Variants in CEP104 observed in about 807,000 individuals in gnomAD.
CEP104 encodes the protein centrosomal protein of 104 kDa.
A neutral mutation model predicts 113.3 loss-of-function variants in CEP104; 84 were observed. The observed-to-expected ratio is 0.74, with a 90% confidence interval of 0.62 to 0.89. The LOEUF is 0.89. Ranked by LOEUF, CEP104 falls within the 40% of genes least tolerant of loss-of-function variation. The pLI is 0.00. For synonymous variants in CEP104, 378 were observed against 421.7 expected (o/e 0.90, Z 1.27); for missense variants, 1,053 against 1,156.6 (o/e 0.91, Z 1.30).
intron 1 of CEP104, among the ~76,000 whole-genome samples, chr1:3,855,564 C>T (rs1644703894): frequency 6.6e-6 from 1 of 152,288 alleles, no homozygotes; most frequent in South Asian, 2.1e-4. Context: ...GTATGCTATA[C>T]TGCCCCCAAC....
intron 15 of CEP104, among the ~76,000 whole-genome samples, chr1:3,828,019 C>T (rs1004796175): frequency 2.0e-5 from 3 of 152,042 alleles, no homozygotes; most frequent in Admixed American, 6.5e-5. Flanking sequence ...TCAGCATAGG[C>T]GACCCCGGGA....
chr1:3,826,121 C>T (rs1044765357), intron 17 of CEP104, among the ~76,000 whole-genome samples: 1 of 152,136 alleles, frequency 6.6e-6, no homozygotes, highest in African/African-American at 2.4e-5. Flanking sequence ...CTGAAATCAA[C>T]GGGCGAACGA....
In CEP104 at chr1:3,826,425, C is replaced by T. The variant is rs138918511; in HGVS notation, c.2200G>A (p.Gly734Arg). Residue 734 changes from glycine to arginine, a missense_variant, in exon 17 of 22, where the codon GGG (glycine) becomes AGG (arginine). Gly to Arg is a moderately radical substitution (Grantham distance 125). Coordinates refer to ENST00000378230, the MANE Select transcript of CEP104 (RefSeq NM_014704.4). Reference sequence around the variant, plus strand: ...AGAGCTTCAGCAGGGGCTGCTTTCCCTCCTTGAATGTCTGAAGAGATTAAA... The same window carrying T: ...AGAGCTTCAGCAGGGGCTGCTTTCCTTCCTTGAATGTCTGAAGAGATTAAA... ...VKPKNQDIQG[G>R]KAAPAEALGI... The T allele has an allele frequency of 1.2e-6, 2 of 1,613,560 alleles. No individual in the cohort carries two copies. Among genetic ancestry groups the T allele is most frequent in the African/African-American group, 2.7e-5 (2 of 74,900 alleles).
intron 12 of CEP104, chr1:3,833,556 TTTTA>T (rs1644256069): frequency 7.4e-6 from 2 of 270,888 alleles, no homozygotes; most frequent in Non-Finnish European, 7.0e-6. Flanking sequence ...CAGTTATATT[TTTTA>T]TTTCTTTACC....
chr1:3,827,073 G>A (rs989647196), intron 15 of CEP104, among the ~76,000 whole-genome samples: 5 of 152,150 alleles, frequency 3.3e-5, no homozygotes, highest in Non-Finnish European at 7.4e-5. Context: ...GATCACTTGA[G>A]CCTGGGAGGT....
intron 18 of CEP104, among the ~76,000 whole-genome samples, chr1:3,824,744 G>A (rs1338538110): frequency 6.6e-6 from 1 of 152,180 alleles, no homozygotes; most frequent in Non-Finnish European, 1.5e-5. Context: ...TCTTCACCAG[G>A]GACAGGCACA....
chr1:3,829,881 G>C lies in CEP104; in HGVS notation c.1953C>G (p.Asp651Glu). The stretch of plus-strand genomic sequence containing the variant: ...GAATGTTCCTGCGTGTGTTGCTGTC[G>C]TCTGGAGGAAGGTACTCCAGGATGG... ...QASILEYLPP[D>E]DSNTRRNILY... The change falls in exon 14 of 22, where the codon GAC becomes GAG. Residue 651 changes from aspartate (D) to glutamate (E), a missense_variant. Coordinates refer to ENST00000378230, the MANE Select transcript of CEP104 (RefSeq NM_014704.4). 1 of 1,614,034 alleles carries C rather than the reference G, an allele frequency of 6.2e-7. No individual in the cohort carries two copies. The highest frequency in any genetic ancestry group is 8.5e-7 in the Non-Finnish European group (1 of 1,179,986).
At chr1:3,847,791 G>A (rs1020905925) in intron 3 of CEP104, 178 bp from the exon 4 acceptor site, 2 of 612,500 alleles carry the variant, frequency 3.3e-6, no homozygotes, top group African/African-American at 1.9e-5. Context: ...GAAAAACCTA[G>A]GAAAAACCCC....
At chr1:3,834,899 A>G (rs1404607380) in intron 11 of CEP104, 26 bp downstream of exon 11, 1 of 1,557,890 alleles carries the variant, frequency 6.4e-7, no homozygotes, top group South Asian at 1.2e-5. Context: ...TGCACGCTGG[A>G]GCCAGCGCCA....
Position 3,834,018 on chromosome 1 carries a change from C to A in CEP104, c.1503G>T (p.Leu501Phe). Residue 501 changes from leucine to phenylalanine, a missense_variant, in exon 12 of 22, where the codon TTG becomes TTT. Leu to Phe is a conservative substitution (Grantham distance 22). Transcript: ENST00000378230. ...GTGTAATGATCATTTTCAACAATTT[C>A]AAAGAAGCCTGAAAAACCTAAGAGA... is the stretch of plus-strand genomic sequence containing the variant. ...DIVTSVFQAS[L>F]KLLKMIITQY... The A allele has an allele frequency of 1.2e-6, 2 of 1,613,478 alleles. No individual in the cohort carries two copies. Among genetic ancestry groups the A allele is most frequent in the African/African-American group, 1.3e-5 (1 of 75,020 alleles).
At chr1:3,832,745 C>T (rs1434101081) in intron 12 of CEP104, among the ~76,000 whole-genome samples, 1 of 152,164 alleles carries the variant, frequency 6.6e-6, no homozygotes, top group African/African-American at 2.4e-5. Context: ...AGTACAGTGG[C>T]GAGATCACGG....
chr1:3,836,527 T>A lies in CEP104; in HGVS notation c.1285A>T (p.Ser429Cys). The change falls in exon 10 of 22, where the codon AGC (serine) becomes TGC (cysteine). Residue 429 changes from serine (S) to cysteine (C), a missense_variant. Ser to Cys is a moderately radical substitution (Grantham distance 112). Coordinates refer to ENST00000378230, the MANE Select transcript of CEP104 (RefSeq NM_014704.4). Reference sequence around the variant, plus strand: ...TCTCCCAACACATCGATGGCAGAGCTGGCTTCTCTCAAGGCCTTCTCGGTT... The same window carrying A: ...TCTCCCAACACATCGATGGCAGAGCAGGCTTCTCTCAAGGCCTTCTCGGTT... The part of the protein sequence containing the change: ...PLTEKALREA[S>C]SAIDVLGETL... 1.3e-6 allele frequency: 2 copies of A among 1,537,042 alleles called. No homozygotes were observed. Among genetic ancestry groups the A allele is most frequent in the Non-Finnish European group, 1.8e-6 (2 of 1,138,214 alleles).
Position 3,823,572 on chromosome 1 carries a change from G to C in CEP104, c.2365-10C>G. The C allele has an allele frequency of 6.2e-7, 1 of 1,614,158 alleles. No individual in the cohort carries two copies. Among genetic ancestry groups the C allele is most frequent in the Non-Finnish European group, 8.5e-7 (1 of 1,180,040 alleles). Reference sequence around the variant, plus strand: ...TGGATATCTCGACCACCTGGATTTCGAAATACAGAGCAAAGCATGTTGCTG... The same window carrying C: ...TGGATATCTCGACCACCTGGATTTCCAAATACAGAGCAAAGCATGTTGCTG... On this transcript the variant is annotated splice_polypyrimidine_tract_variant and intron_variant, in intron 18 of 21. Transcript: ENST00000378230. The surrounding 1 kb of genome is among the most constrained non-coding windows in gnomAD (Gnocchi z 4.1).
At chr1:3,843,583 C>T (rs2124684090) in intron 6 of CEP104, among the ~76,000 whole-genome samples, 1 of 152,064 alleles carries the variant, frequency 6.6e-6, no homozygotes, top group South Asian at 2.1e-4. Context: ...AACTCCTGAT[C>T]TCAAGCAATC....
chr1:3,829,663 A>T, intron 14 of CEP104, 128 bp downstream of exon 14: 1 of 1,008,724 alleles, frequency 9.9e-7, no homozygotes, highest in Non-Finnish European at 1.5e-6. Flanking sequence ...GTTCTTTCTT[A>T]GCCAGGACGC....
At chr1:3,847,741 T>G (rs893267479) in intron 3 of CEP104, 128 bp from the exon 4 acceptor site, 12 of 919,090 alleles carry the variant, frequency 1.3e-5, no homozygotes, top group East Asian at 7.8e-5. Flanking sequence ...ACTACCCCTA[T>G]GCAGGATCAA....
intron 15 of CEP104, among the ~76,000 whole-genome samples, chr1:3,828,574 G>C (rs953184542): frequency 2.6e-5 from 4 of 152,126 alleles, no homozygotes; most frequent in Admixed American, 6.5e-5. Context: ...CGTGCACTGT[G>C]CAGCCACGTG....
chr1:3,840,936 C>G (rs1162020581), intron 6 of CEP104, among the ~76,000 whole-genome samples: 1 of 152,196 alleles, frequency 6.6e-6, no homozygotes, highest in East Asian at 1.9e-4. Flanking sequence ...ACCATCATAT[C>G]CTAGAGGAGA....
intron 6 of CEP104, among the ~76,000 whole-genome samples, chr1:3,843,831 G>A (rs1159914690): frequency 1.3e-5 from 2 of 151,524 alleles, no homozygotes; most frequent in African/African-American, 2.4e-5. Flanking sequence ...GCACAATCTC[G>A]GCTCACCACA....
Sources: gnomAD v4.1 joint callset for allele counts (sites outside exome capture counted in the v4.1 genomes callset) on GRCh38, gnomAD v4.1.1 for gene constraint, Gnocchi (gnomAD v3.1) non-coding constraint, MANE v1.5 for transcripts, NCBI Gene and HGNC (gene_info 2026-07-23, HGNC 2026-07-21) for gene names.